Variants in CAMSAP2 observed in about 807,000 individuals in gnomAD.
CAMSAP2 encodes calmodulin regulated spectrin associated protein family member 2, also known as calmodulin-regulated spectrin-associated protein 2.
A neutral mutation model predicts 146.1 loss-of-function variants in CAMSAP2; 26 were observed. The ratio of observed to expected loss-of-function variants is 0.18; its 90% confidence interval spans 0.13 to 0.25. The LOEUF (loss-of-function observed/expected upper bound fraction) is 0.25. Among genes scored for constraint, CAMSAP2 ranks in the 10% least tolerant of loss-of-function variants. The pLI is 1.00. For synonymous variants in CAMSAP2, 499 were observed against 596.6 expected (o/e 0.84, Z 2.38); for missense variants, 1,381 against 1,759.3 (o/e 0.78, Z 3.85).
At chr1:200,800,347 C>T (rs1027248593) in intron 2 of CAMSAP2, among the ~76,000 whole-genome samples, 1 of 152,014 alleles carries the variant, frequency 6.6e-6, no homozygotes, top group African/African-American at 2.4e-5. Context: ...TCTGGGTGCT[C>T]CTGTATTGGG....
intron 1 of CAMSAP2, among the ~76,000 whole-genome samples, chr1:200,759,280 A>G (rs377680681): frequency 7.8e-5 from 10 of 128,894 alleles, no homozygotes; most frequent in Non-Finnish European, 1.3e-4. Context: ...CTGCTATTCT[A>G]TTTTTTTTTT....
At chr1:200,856,171 T>TC in intron 15 of CAMSAP2, 46 bp downstream of exon 15, 3 of 1,389,232 alleles carry the variant, frequency 2.2e-6, no homozygotes, top group South Asian at 1.2e-5. Context: ...TTTAACACAC[T>TC]CATAAATGGA....
chr1:200,776,109 T>A (rs1392199902), intron 2 of CAMSAP2, among the ~76,000 whole-genome samples: 2 of 152,174 alleles, frequency 1.3e-5, no homozygotes, highest in African/African-American at 4.8e-5. Context: ...TTTGCCAATC[T>A]TATTATTTTT....
chr1:200,802,059 T>C (rs1014788694), intron 2 of CAMSAP2, among the ~76,000 whole-genome samples: 1 of 152,204 alleles, frequency 6.6e-6, no homozygotes, highest in Non-Finnish European at 1.5e-5. Context: ...AAACTGGATT[T>C]TATTTTAACT....
intron 14 of CAMSAP2, among the ~76,000 whole-genome samples, 185 bp downstream of exon 14, chr1:200,855,074 G>T (rs112620339): frequency 6.7e-6 from 1 of 150,210 alleles, no homozygotes; most frequent in Admixed American, 6.6e-5. Context: ...ATGTAAAGAG[G>T]TGTCTATTCA....
chr1:200,844,773 T>C lies in CAMSAP2; in HGVS notation c.1022-9T>C. The stretch of plus-strand genomic sequence containing the variant: ...ATTTGAGGGTGTTTTTAAAAATCTT[T>C]TATTCCAGCTGAACCTGTAAAAGAT... On this transcript the variant is annotated splice_polypyrimidine_tract_variant and intron_variant, in intron 7 of 16. Transcript: ENST00000358823. The C allele has an allele frequency of 6.5e-7, 1 of 1,536,356 alleles. No homozygotes were observed. The highest frequency in any genetic ancestry group is 8.8e-7 in the Non-Finnish European group (1 of 1,140,920).
At position 200,849,295 on chromosome 1, in the gene CAMSAP2, G is replaced by C. The variant is rs1170360826; in HGVS notation, c.2526G>C (p.Glu842Asp). The C allele has an allele frequency of 1.2e-6, 2 of 1,613,888 alleles. No individual in the cohort carries two copies. The highest frequency in any genetic ancestry group is 1.7e-6 in the Non-Finnish European group (2 of 1,180,044). The change falls in exon 11 of 17, where the codon GAG becomes GAC. Residue 842 changes from glutamate to aspartate, a missense_variant. Around this residue, in one of 4 missense-constraint regions of CAMSAP2, gnomAD observed 560 missense variants for 715.9 expected, o/e 0.78. Coordinates refer to ENST00000358823, the MANE Select transcript of CAMSAP2 (RefSeq NM_203459.4). The surrounding 1 kb of genome is among the most constrained non-coding windows in gnomAD (Gnocchi z 6.3). ...KSLADIKESM[E>D]NPQAKWLKSP... Reference sequence around the variant, plus strand: ...TGGCAGATATAAAAGAGAGCATGGAGAATCCTCAAGCCAAATGGCTAAAGT... The same window carrying C: ...TGGCAGATATAAAAGAGAGCATGGACAATCCTCAAGCCAAATGGCTAAAGT...
intron 4 of CAMSAP2, chr1:200,828,747 A>G: frequency 5.4e-5 from 40 of 747,408 alleles, no homozygotes; most frequent in Non-Finnish European, 8.6e-5. Flanking sequence ...TGTAAAATGG[A>G]AAGATAAAAG....
chr1:200,826,812 T>G (rs543301810), intron 4 of CAMSAP2, among the ~76,000 whole-genome samples: 19 of 152,134 alleles, frequency 1.2e-4, no homozygotes, highest in Non-Finnish European at 1.9e-4. Context: ...TAATAAAAGT[T>G]TTTTCACCTG....
At chr1:200,755,043 C>T (rs1033348740) in intron 1 of CAMSAP2, among the ~76,000 whole-genome samples, 4 of 152,210 alleles carry the variant, frequency 2.6e-5, no homozygotes, top group Non-Finnish European at 4.4e-5. Flanking sequence ...GTTCTTTTGA[C>T]ATGGCTCCAT....
rs1241696304 is a variant in CAMSAP2, at chr1:200,759,014, GT to G, written c.140-1824del. The stretch of plus-strand genomic sequence containing the variant: ...GTCAGTCTTAATGTGACACTGTCCT[GT>G]AAAACTGTCAGCACCTCCTTGTTAG... On this transcript the variant is annotated intron_variant, in intron 1 of 16. Transcript: ENST00000358823. Among the ~76,000 whole-genome samples, 3 of 152,212 alleles carry G rather than the reference GT, an allele frequency of 2.0e-5. No homozygotes were observed. The East Asian group carries it at 5.8e-4, about 29-fold the overall frequency.
chr1:200,769,219 T>C (rs1037308760), intron 2 of CAMSAP2, among the ~76,000 whole-genome samples: 1 of 152,154 alleles, frequency 6.6e-6, no homozygotes, highest in Non-Finnish European at 1.5e-5. Flanking sequence ...ATTTTTTACC[T>C]AATAGTGGTA....
At chr1:200,753,391 A>C (rs1326049237) in intron 1 of CAMSAP2, among the ~76,000 whole-genome samples, 1 of 151,878 alleles carries the variant, frequency 6.6e-6, no homozygotes, top group Non-Finnish European at 1.5e-5. Flanking sequence ...CTCTTGCCAA[A>C]CTTTTGCCTG....
At chr1:200,766,019 T>C (rs1268153340) in intron 2 of CAMSAP2, among the ~76,000 whole-genome samples, 5 of 152,182 alleles carry the variant, frequency 3.3e-5, no homozygotes, top group African/African-American at 7.2e-5. Context: ...CATACTATAT[T>C]ACAAAACACT....
intron 4 of CAMSAP2, among the ~76,000 whole-genome samples, chr1:200,823,817 C>T (rs1411867031): frequency 6.6e-6 from 1 of 152,226 alleles, no homozygotes; most frequent in Non-Finnish European, 1.5e-5. Context: ...AGGGAGAATA[C>T]TTGCATATAC....
chr1:200,855,959 C>T, intron 14 of CAMSAP2, 51 bp from the exon 15 acceptor site: 1 of 1,226,400 alleles, frequency 8.2e-7, no homozygotes, highest in Non-Finnish European at 1.2e-6. Context: ...ACCCTCTGGG[C>T]CCCATTTTTT....
chr1:200,819,608 T>A (rs1396670232), intron 4 of CAMSAP2, among the ~76,000 whole-genome samples: 1 of 152,146 alleles, frequency 6.6e-6, no homozygotes, highest in Admixed American at 6.6e-5. Context: ...GCACTTGACC[T>A]CTCTGGGCCT....
At chr1:200,813,440 A>G (rs903361598) in intron 3 of CAMSAP2, among the ~76,000 whole-genome samples, 7 of 152,208 alleles carry the variant, frequency 4.6e-5, no homozygotes, top group East Asian at 1.9e-4. Context: ...ATTATTTTCT[A>G]CTCACATTTT....
intron 6 of CAMSAP2, among the ~76,000 whole-genome samples, chr1:200,837,057 G>C (rs1204410262): frequency 6.6e-6 from 1 of 152,076 alleles, no homozygotes; most frequent in Non-Finnish European, 1.5e-5. Context: ...TCACACTGTT[G>C]ATAGTTTCTT....
Sources: gnomAD v4.1 joint callset for allele counts (sites outside exome capture counted in the v4.1 genomes callset) on GRCh38, gnomAD v4.1.1 for gene constraint, gnomAD v4.1.1 regional missense constraint, Gnocchi (gnomAD v3.1) non-coding constraint, MANE v1.5 for transcripts, NCBI Gene and HGNC (gene_info 2026-07-23, HGNC 2026-07-21) for gene names.